The following AGBL1 variants were observed in gnomAD, a reference collection of about 807,000 sequenced individuals.
AGBL1 encodes the protein cytosolic carboxypeptidase 4.
A neutral mutation model predicts 118.9 loss-of-function variants in AGBL1; 130 were observed. The observed-to-expected ratio is 1.09, with a 90% confidence interval of 0.95 to 1.26. AGBL1 has a LOEUF of 1.26. Among genes scored for constraint, AGBL1 ranks in the 50% most tolerant of loss-of-function variants. The pLI is 0.00. For missense variants in AGBL1, 1,584 were observed against 1,298.1 expected, an observed-to-expected ratio of 1.22 and a Z score of -3.38; for synonymous variants, 555 against 478.9, an observed-to-expected ratio of 1.16 and a Z score of -2.08.
intron 1 of AGBL1, among the ~76,000 whole-genome samples, chr15:86,122,640 C>G (rs1028493270): frequency 2.6e-5 from 4 of 152,134 alleles, no homozygotes; most frequent in Non-Finnish European, 4.4e-5. Context: ...AACTGGGGGC[C>G]ATTCTACAGG....
At chr15:86,820,025 AAAAC>A (rs2078917600) in intron 22 of AGBL1, among the ~76,000 whole-genome samples, 1 of 151,870 alleles carries the variant, frequency 6.6e-6, no homozygotes, top group African/African-American at 2.4e-5. Flanking sequence ...AAACCTGACA[AAAAC>A]AAGCAATGGG....
chr15:86,257,902 T>G, intron 8 of AGBL1, 62 bp from the exon 9 acceptor site: 1 of 1,548,120 alleles, frequency 6.5e-7, no homozygotes, highest in Non-Finnish European at 8.8e-7. Flanking sequence ...GGTGAAAATC[T>G]AAATCCTAAA....
At chr15:86,950,690 C>T (rs544029919) in intron 23 of AGBL1, among the ~76,000 whole-genome samples, 2 of 151,662 alleles carry the variant, frequency 1.3e-5, no homozygotes. Flanking sequence ...ATAAAGGATT[C>T]ATGAAGAATA....
At chr15:86,337,678 G>T (rs918203088) in intron 17 of AGBL1, among the ~76,000 whole-genome samples, 136 of 152,108 alleles carry the variant, frequency 8.9e-4, no homozygotes, top group African/African-American at 3.2e-3. Flanking sequence ...GACACAGGGA[G>T]GGGAAAAACA....
chr15:86,366,531 C>G (rs1419544905), intron 17 of AGBL1, among the ~76,000 whole-genome samples: 1 of 152,152 alleles, frequency 6.6e-6, no homozygotes, highest in Non-Finnish European at 1.5e-5. Flanking sequence ...AGGATCAATA[C>G]TCTTAATCAC....
chr15:86,149,408 G>C (rs2077076440), intron 3 of AGBL1, among the ~76,000 whole-genome samples: 1 of 152,078 alleles, frequency 6.6e-6, no homozygotes, highest in Admixed American at 6.5e-5. Context: ...ATGCACATAG[G>C]CTCAAAATAA....
intron 18 of AGBL1, among the ~76,000 whole-genome samples, chr15:86,463,236 A>C (rs1189713542): frequency 1.3e-5 from 2 of 148,656 alleles, no homozygotes; most frequent in East Asian, 2.0e-4. Context: ...TAAATGTCTT[A>C]TTTTGAGAAG....
At chr15:86,528,254 C>A (rs913357658) in intron 19 of AGBL1, among the ~76,000 whole-genome samples, 2 of 152,176 alleles carry the variant, frequency 1.3e-5, no homozygotes, top group Non-Finnish European at 2.9e-5. Context: ...GGTGCACGCA[C>A]CGGGCGCGAA....
At chr15:86,686,976 C>T (rs1018431293) in intron 22 of AGBL1, among the ~76,000 whole-genome samples, 1 of 152,138 alleles carries the variant, frequency 6.6e-6, no homozygotes, top group Non-Finnish European at 1.5e-5. Flanking sequence ...TGTTTAACCA[C>T]TACTCCCATT....
chr15:86,190,325 T>C (rs1409442455), intron 5 of AGBL1, among the ~76,000 whole-genome samples: 2 of 152,170 alleles, frequency 1.3e-5, no homozygotes, highest in Admixed American at 6.5e-5. Context: ...TTATACCTAC[T>C]ATTAATTACT....
intron 22 of AGBL1, among the ~76,000 whole-genome samples, chr15:86,904,833 T>A (rs909017543): frequency 4.6e-5 from 7 of 152,006 alleles, no homozygotes; most frequent in Non-Finnish European, 1.0e-4. Context: ...TTTTTCTATA[T>A]ATACCCCTGT....
intron 18 of AGBL1, among the ~76,000 whole-genome samples, chr15:86,414,420 A>C (rs2081662099): frequency 1.3e-5 from 2 of 152,168 alleles, no homozygotes; most frequent in Admixed American, 1.3e-4. Context: ...AGGTAGTTGG[A>C]TGTCTAAGTG....
intron 24 of AGBL1, among the ~76,000 whole-genome samples, chr15:87,004,513 C>G (rs1258485356): frequency 6.6e-6 from 1 of 152,096 alleles, no homozygotes; most frequent in African/African-American, 2.4e-5. Context: ...ATTATAACCC[C>G]TGCCTTTTTT....
chr15:86,380,346 GCA>G (rs879656770), intron 17 of AGBL1, among the ~76,000 whole-genome samples: 29,905 of 147,516 alleles, frequency 0.2, 3,798 homozygotes, highest in East Asian at 0.59. Flanking sequence ...GGACAGTGGT[GCA>G]ATCTCGGCTC....
At chr15:86,106,536 T>G (rs1040789590) in intron 1 of AGBL1, among the ~76,000 whole-genome samples, 4 of 152,214 alleles carry the variant, frequency 2.6e-5, no homozygotes, top group Non-Finnish European at 5.9e-5. Flanking sequence ...AATTTTGGTT[T>G]TCATAATGGC....
Position 87,001,668 on chromosome 15 carries a change from C to A in AGBL1, c.3323+13580C>A, listed in dbSNP as rs1476856537. Among the ~76,000 whole-genome samples the A allele has an allele frequency of 4.6e-5, 7 of 152,028 alleles. No homozygotes were observed. The East Asian group carries it at 1.3e-3, about 29-fold the overall frequency. ...TGTTTCCTGACTTTTTAATGATCGC[C>A]ATTCTAACTGGTGGGAGATGATATC... is the stretch of plus-strand genomic sequence containing the variant. On this transcript the variant is annotated intron_variant, in intron 24 of 24. Transcript: ENST00000441037.
chr15:86,279,331 G>C (rs1433398280), intron 15 of AGBL1, among the ~76,000 whole-genome samples: 1 of 152,272 alleles, frequency 6.6e-6, no homozygotes, highest in Non-Finnish European at 1.5e-5. Flanking sequence ...GATTTTCCTC[G>C]ATGTTCTAGC....
chr15:86,495,368 TA>T (rs1443764490), intron 18 of AGBL1, among the ~76,000 whole-genome samples: 3 of 140,520 alleles, frequency 2.1e-5, no homozygotes, highest in Non-Finnish European at 4.7e-5. Context: ...CTGTGAAAGG[TA>T]TTTTTTTTTA....
At chr15:86,416,345 A>C (rs1044076434) in intron 18 of AGBL1, among the ~76,000 whole-genome samples, 1 of 152,214 alleles carries the variant, frequency 6.6e-6, no homozygotes, top group Non-Finnish European at 1.5e-5. Flanking sequence ...ATGCGGTGTT[A>C]AATGAAAATG....
Sources: gnomAD v4.1 joint callset for allele counts (sites outside exome capture counted in the v4.1 genomes callset) on GRCh38, gnomAD v4.1.1 for gene constraint, MANE v1.5 for transcripts, NCBI Gene and HGNC (gene_info 2026-07-23, HGNC 2026-07-21) for gene names.